The following ZNF165 variants were observed in gnomAD, a reference collection of about 807,000 sequenced individuals.
The protein encoded by ZNF165 is cancer/testis antigen 53.
In ZNF165, 14 loss-of-function variants were observed where a neutral mutation model predicts 19.6. The observed-to-expected ratio is 0.71, with a 90% CI of 0.47 to 1.12. The LOEUF is 1.12. ZNF165 is among the 50% of genes most tolerant of loss of function. ZNF165 has a pLI of 0.00. For missense variants in ZNF165, 504 were observed against 566.3 expected, an observed-to-expected ratio of 0.89 and a Z score of 1.12; for synonymous variants, 165 against 195.0, an observed-to-expected ratio of 0.85 and a Z score of 1.28.
intron 1 of ZNF165, among the ~76,000 whole-genome samples, chr6:28,083,044 A>T (rs1229672449): frequency 6.6e-6 from 1 of 152,222 alleles, no homozygotes; most frequent in Non-Finnish European, 1.5e-5. Flanking sequence ...TTATATATTC[A>T]TATGTGTATG....
chr6:28,085,013 C>T (rs1307660657), intron 1 of ZNF165, among the ~76,000 whole-genome samples: 1 of 152,190 alleles, frequency 6.6e-6, no homozygotes, highest in Non-Finnish European at 1.5e-5. Flanking sequence ...CTCCCACATC[C>T]TAGTCAAATC....
Position 28,085,869 on chromosome 6 carries a change from G to A in ZNF165, c.389G>A (p.Gly130Asp), listed in dbSNP as rs1177622818. The A allele has an allele frequency of 7.4e-6, 12 of 1,611,518 alleles. No individual in the cohort carries two copies. Among genetic ancestry groups the A allele is most frequent in the Non-Finnish European group, 9.3e-6 (11 of 1,179,992 alleles). ...ACCATACTAGAAGATTTGGAGAGAG[G>A]CACTGATGAAGCAGTACTCCAGGTG... The part of the protein sequence containing the change: ...AVTILEDLER[G>D]TDEAVLQVQA... Residue 130 changes from glycine to aspartate, a missense_variant, in exon 2 of 4, where the codon GGC becomes GAC. Physicochemically the swap from Gly to Asp is moderately conservative, Grantham distance 94. Coordinates refer to ENST00000683778, the MANE Select transcript of ZNF165 (RefSeq NM_001376491.1).
chr6:28,083,592 A>G (rs1270707962), intron 1 of ZNF165, among the ~76,000 whole-genome samples: 1 of 152,198 alleles, frequency 6.6e-6, no homozygotes, highest in African/African-American at 2.4e-5. Context: ...ACCCTAGCCA[A>G]TAGGGGAACG....
chr6:28,086,338 C>T (rs781371300), intron 3 of ZNF165, 28 bp downstream of exon 3: 2 of 1,593,216 alleles, frequency 1.3e-6, no homozygotes, highest in Admixed American at 3.7e-5. Context: ...ATATAGTGCA[C>T]ATCACTAAAG....
At chr6:28,085,311 T>C (rs1764249626) in intron 1 of ZNF165, among the ~76,000 whole-genome samples, 170 bp from the exon 2 acceptor site, 1 of 152,238 alleles carries the variant, frequency 6.6e-6, no homozygotes, top group South Asian at 2.1e-4. Context: ...TCAGTGCTTT[T>C]GCATATAGTA....
Position 28,086,307 on chromosome 6 carries a change from T to C in ZNF165, c.547T>C (p.Cys183Arg), listed in dbSNP as rs1283478933. The stretch of plus-strand genomic sequence containing the variant: ...ATCAGAACCCCAGCTCCTATGGGAC[T>C]GTGGTGAGGGGCAGAATGCCATATA... The part of the protein sequence containing the change: ...DSSEPQLLWD[C>R]DNESENSRSM... Residue 183 changes from cysteine to arginine, a missense_variant, in exon 3 of 4, where the codon TGT becomes CGT. By Grantham distance (180) the Cys-to-Arg change is radical (BLOSUM62 -3). Transcript: ENST00000683778. 1 of 1,612,326 alleles carries C rather than the reference T, an allele frequency of 6.2e-7. No individual in the cohort carries two copies. Among genetic ancestry groups the C allele is most frequent in the Non-Finnish European group, 8.5e-7 (1 of 1,179,512 alleles).
Position 28,089,400 on chromosome 6 carries a change from G to A in ZNF165, c.1388G>A (p.Arg463Lys), listed in dbSNP as rs866076656. Reference sequence around the variant, plus strand: ...CCCTATGAATGCAGTGAGTGTGGAAGAGCCTTCAGTCAGAGCTCAAACCTT... The same window carrying A: ...CCCTATGAATGCAGTGAGTGTGGAAAAGCCTTCAGTCAGAGCTCAAACCTT... Reference protein sequence around the residue: ...EKPYECSECGRAFSQSSNLSQ... With the variant: ...EKPYECSECGKAFSQSSNLSQ... Residue 463 changes from arginine to lysine, a missense_variant, in exon 4 of 4, where the codon AGA becomes AAA. Transcript: ENST00000683778. 1 of 1,614,144 alleles carries A rather than the reference G, an allele frequency of 6.2e-7. No homozygotes were observed. The highest frequency in any genetic ancestry group is 1.7e-5 in the Admixed American group (1 of 60,018).
intron 2 of ZNF165, 110 bp from the exon 3 acceptor site, chr6:28,086,062 C>G (rs1013401088): frequency 5.9e-6 from 9 of 1,514,796 alleles, no homozygotes; most frequent in Admixed American, 4.3e-5. Flanking sequence ...AAATCAGACT[C>G]GATTCTTCCT....
chr6:28,085,686 G>T lies in ZNF165; in HGVS notation c.206G>T (p.Arg69Leu), dbSNP rs150684212. Residue 69 changes from arginine (R) to leucine (L), a missense_variant, in exon 2 of 4, where the codon CGC becomes CTC. Coordinates refer to ENST00000683778, the MANE Select transcript of ZNF165 (RefSeq NM_001376491.1). ...DSPGPREALS[R>L]LRELCCQWLK... is the part of the protein sequence containing the mutation. ...CCTGGACCTCGCGAGGCACTGAGCC[G>T]CCTCCGGGAGCTCTGCTGTCAGTGG... The T allele has an allele frequency of 1.2e-6, 2 of 1,614,084 alleles. No homozygotes were observed. The highest frequency in any genetic ancestry group is 1.7e-6 in the Non-Finnish European group (2 of 1,180,030).
At chr6:28,088,468 A>G in intron 3 of ZNF165, 95 bp from the exon 4 acceptor site, 1 of 981,752 alleles carries the variant, frequency 1.0e-6, no homozygotes, top group Non-Finnish European at 1.5e-6. Flanking sequence ...CATATATTAA[A>G]GTGGGCATAT....
rs577838988 is a variant in ZNF165, at chr6:28,082,346, C to T, written c.-1+1376C>T. 8.9e-4 allele frequency among the ~76,000 whole-genome samples: 135 copies of T among 152,196 alleles called. 1 individual carries two copies. Among genetic ancestry groups the T allele is most frequent in the African/African-American group, 3.0e-3 (126 of 41,520 alleles). ...GGTCATGGAGACCCTAACCCAGTGG[C>T]GCTAGAGGAATTAAAGACACACACA... On this transcript the variant is annotated intron_variant, in intron 1 of 3. Coordinates refer to ENST00000683778, the MANE Select transcript of ZNF165 (RefSeq NM_001376491.1).
chr6:28,085,194 CA>C, intron 1 of ZNF165, among the ~76,000 whole-genome samples: 1 of 152,212 alleles, frequency 6.6e-6, no homozygotes, highest in Non-Finnish European at 1.5e-5. Context: ...TAATATTTAG[CA>C]TTACATTTAA....
intron 2 of ZNF165, 111 bp downstream of exon 2, chr6:28,086,002 A>C (rs1318979515): frequency 2.0e-6 from 3 of 1,507,396 alleles, no homozygotes; most frequent in East Asian, 2.3e-5. Context: ...TTCAGTGTGC[A>C]TTTATGTCTC....
chr6:28,084,246 T>C (rs1371121282), intron 1 of ZNF165, among the ~76,000 whole-genome samples: 2 of 152,270 alleles, frequency 1.3e-5, no homozygotes, highest in Non-Finnish European at 2.9e-5. Flanking sequence ...ATTCAGACTT[T>C]CTTGTAAACC....
At chr6:28,086,716 A>G (rs1764285355) in intron 3 of ZNF165, among the ~76,000 whole-genome samples, 2 of 148,372 alleles carry the variant, frequency 1.3e-5, no homozygotes, top group African/African-American at 2.5e-5. Flanking sequence ...CTCATAAAGG[A>G]AAAAAAAAAG....
intron 3 of ZNF165, among the ~76,000 whole-genome samples, chr6:28,086,725 AGAG>A (rs1228592668): frequency 2.6e-5 from 4 of 151,904 alleles, no homozygotes; most frequent in African/African-American, 7.3e-5. Context: ...GAAAAAAAAA[AGAG>A]AGAGAGAACT....
intron 3 of ZNF165, among the ~76,000 whole-genome samples, chr6:28,087,847 G>T (rs966925601): frequency 2.0e-5 from 3 of 152,150 alleles, no homozygotes; most frequent in Non-Finnish European, 4.4e-5. Context: ...TTTGAGTAGG[G>T]TATGAAAGGA....
Position 28,088,857 on chromosome 6 carries a change from A to T in ZNF165, c.845A>T (p.Asn282Ile), listed in dbSNP as rs761031148. 6.2e-7 allele frequency: 1 copy of T among 1,614,200 alleles called. No homozygotes were observed. Among genetic ancestry groups the T allele is most frequent in the Non-Finnish European group, 8.5e-7 (1 of 1,180,028 alleles). ...HDGCERRLNL[N>I]SNEFTHQKSC... ...GGATGTGAGAGGAGATTAAATCTGAACTCAAATGAATTCACACACCAGAAA... is the reference window on the plus strand; with the variant it reads ...GGATGTGAGAGGAGATTAAATCTGATCTCAAATGAATTCACACACCAGAAA... Residue 282 changes from asparagine (N) to isoleucine (I), a missense_variant, in exon 4 of 4, where the codon AAC becomes ATC. Coordinates refer to ENST00000683778, the MANE Select transcript of ZNF165 (RefSeq NM_001376491.1).
At position 28,089,186 on chromosome 6, in the gene ZNF165, C is replaced by G; in HGVS notation, c.1174C>G (p.Arg392Gly). Residue 392 changes from arginine to glycine, a missense_variant, in exon 4 of 4, where the codon CGA becomes GGA. By Grantham distance (125) the Arg-to-Gly change is moderately radical (BLOSUM62 -2). Transcript: ENST00000683778. ...AESSDLTRHRRIHTGERPFGC... is the reference protein window; with the variant it reads ...AESSDLTRHRGIHTGERPFGC... ...GAGCTCAGATCTTACTAGACATCGG[C>G]GAATTCACACTGGGGAAAGACCCTT... is the stretch of plus-strand genomic sequence containing the variant. The G allele has an allele frequency of 6.2e-7, 1 of 1,614,096 alleles. No homozygotes were observed. Among genetic ancestry groups the G allele is most frequent in the South Asian group, 1.1e-5 (1 of 91,074 alleles).
Sources: gnomAD v4.1 joint callset for allele counts (sites outside exome capture counted in the v4.1 genomes callset) on GRCh38, gnomAD v4.1.1 for gene constraint, MANE v1.5 for transcripts, NCBI Gene and HGNC (gene_info 2026-07-23, HGNC 2026-07-21) for gene names.